Variants in PIWIL2 observed in about 807,000 individuals in gnomAD.
PIWIL2 encodes the protein piwi-like protein 2.
In PIWIL2, 81 loss-of-function variants were observed where a neutral mutation model predicts 116.5. The observed-to-expected ratio is 0.70, with a 90% CI of 0.58 to 0.84. The LOEUF (loss-of-function observed/expected upper bound fraction) is 0.84. Ranked by LOEUF, PIWIL2 falls within the 40% of genes least tolerant of loss-of-function variation. PIWIL2 has a pLI of 0.00. For synonymous variants in PIWIL2, 489 were observed against 429.5 expected, an observed-to-expected ratio of 1.14 and a Z score of -1.71; for missense variants, 1,272 against 1,212.3, an observed-to-expected ratio of 1.05 and a Z score of -0.73.
At chr8:22,300,185 C>T (rs1405996492) in intron 10 of PIWIL2, among the ~76,000 whole-genome samples, 1 of 152,160 alleles carries the variant, frequency 6.6e-6, no homozygotes. Flanking sequence ...CCTACCTAGC[C>T]TCAGCCTCCC....
At position 22,318,593 on chromosome 8, in the gene PIWIL2, C is replaced by T. The variant is rs539360441; in HGVS notation, c.2403+318C>T. ...TGGGCCTCCCAAAGTGTTGGGATTA[C>T]AGCTGTGAGCCACCGCGCCTGGCCA... On this transcript the variant is annotated intron_variant, in intron 20 of 22. Transcript: ENST00000356766. 2.2e-4 allele frequency among the ~76,000 whole-genome samples: 34 copies of T among 152,314 alleles called. No homozygotes were observed. In the South Asian group the frequency reaches 5.0e-3, roughly 22 times the overall value.
At chr8:22,322,741 G>C (rs1199897855) in intron 20 of PIWIL2, among the ~76,000 whole-genome samples, 1 of 151,058 alleles carries the variant, frequency 6.6e-6, no homozygotes, top group African/African-American at 2.4e-5. Context: ...GGATTTCACT[G>C]TGTTGGCCAG....
chr8:22,310,406 A>T (rs1831300058), intron 15 of PIWIL2, among the ~76,000 whole-genome samples: 1 of 152,168 alleles, frequency 6.6e-6, no homozygotes, highest in South Asian at 2.1e-4. Context: ...CCGTGAAAGA[A>T]GTTAGATTAA....
At chr8:22,331,436 C>T (rs1044770928) in intron 20 of PIWIL2, among the ~76,000 whole-genome samples, 3 of 151,502 alleles carry the variant, frequency 2.0e-5, no homozygotes, top group Non-Finnish European at 2.9e-5. Flanking sequence ...GAGCCATGAT[C>T]GCATTACTGC....
chr8:22,286,887 G>C (rs887814418), intron 6 of PIWIL2, among the ~76,000 whole-genome samples: 23 of 151,936 alleles, frequency 1.5e-4, no homozygotes, highest in Non-Finnish European at 7.4e-5. Context: ...CTCCCAAAGT[G>C]CTGGGATTAC....
chr8:22,310,360 T>C (rs1050044316), intron 15 of PIWIL2, among the ~76,000 whole-genome samples: 5 of 152,170 alleles, frequency 3.3e-5, no homozygotes, highest in African/African-American at 4.8e-5. Flanking sequence ...CTTTTCCCCC[T>C]CTTTTTCCCC....
chr8:22,304,046 G>T lies in PIWIL2; in HGVS notation c.1207G>T (p.Glu403Ter). The T allele has an allele frequency of 6.2e-7, 1 of 1,612,566 alleles. No individual in the cohort carries two copies. Among genetic ancestry groups the T allele is most frequent in the Non-Finnish European group, 8.5e-7 (1 of 1,179,310 alleles). The change falls in exon 11 of 23, where the codon GAA becomes TAA. Residue 403 changes from glutamate to a stop codon, truncating the protein, a stop_gained. Coordinates refer to ENST00000356766, the MANE Select transcript of PIWIL2 (RefSeq NM_018068.5). LOFTEE classifies it high-confidence loss of function. ...GCATGCCATTTATCAGCAGAATAAA[G>T]AACACTTCCAGGATGAGTGTACTAA... ...VMHAIYQQNKEHFQDECTKLL... is the reference protein window; with the variant it reads ...VMHAIYQQNK
At chr8:22,335,072 A>AT (rs34666629) in intron 20 of PIWIL2, among the ~76,000 whole-genome samples, 76,832 of 146,136 alleles carry the variant, frequency 0.53, 22,123 homozygotes, top group East Asian at 0.77. Context: ...AAAAAAAAAA[A>AT]GTCAATTTTA....
intron 22 of PIWIL2, among the ~76,000 whole-genome samples, chr8:22,355,031 T>C (rs1409258124): frequency 2.0e-5 from 3 of 150,788 alleles, no homozygotes; most frequent in Non-Finnish European, 2.9e-5. Context: ...GATTGTGCCA[T>C]TGCACTCCAG....
intron 10 of PIWIL2, among the ~76,000 whole-genome samples, chr8:22,290,974 AT>A (rs1830749612): frequency 1.4e-5 from 2 of 147,512 alleles, no homozygotes; most frequent in African/African-American, 2.4e-5. Flanking sequence ...GTGTATATAT[AT>A]TTTTTTTAAT....
intron 10 of PIWIL2, among the ~76,000 whole-genome samples, chr8:22,290,935 A>G (rs1830747131): frequency 6.6e-6 from 1 of 151,618 alleles, no homozygotes; most frequent in Non-Finnish European, 1.5e-5. Flanking sequence ...ATAATATACA[A>G]TGTATGTGTT....
At chr8:22,299,066 A>G (rs1255303681) in intron 10 of PIWIL2, among the ~76,000 whole-genome samples, 3 of 152,052 alleles carry the variant, frequency 2.0e-5, no homozygotes, top group Non-Finnish European at 4.4e-5. Flanking sequence ...GTTTGTGGGA[A>G]TTTTATTTTA....
intron 20 of PIWIL2, among the ~76,000 whole-genome samples, chr8:22,332,757 A>C (rs1586586938): frequency 6.6e-6 from 1 of 152,242 alleles, no homozygotes; most frequent in East Asian, 1.9e-4. Context: ...AACTTTCACT[A>C]GTGAAGGTGA....
At chr8:22,280,689 A>G (rs1830479285) in intron 2 of PIWIL2, among the ~76,000 whole-genome samples, 1 of 152,212 alleles carries the variant, frequency 6.6e-6, no homozygotes, top group Non-Finnish European at 1.5e-5. Flanking sequence ...ATACTCATAA[A>G]TGATCCAGCT....
intron 16 of PIWIL2, among the ~76,000 whole-genome samples, chr8:22,311,551 G>A (rs960153084): frequency 6.6e-6 from 1 of 152,202 alleles, no homozygotes; most frequent in African/African-American, 2.4e-5. Context: ...GAGAATAGCT[G>A]ACTTAACTGT....
At chr8:22,279,744 G>C (rs1830458382) in intron 2 of PIWIL2, among the ~76,000 whole-genome samples, 160 bp downstream of exon 2, 1 of 152,200 alleles carries the variant, frequency 6.6e-6, no homozygotes, top group Admixed American at 6.5e-5. Context: ...TCTGAGGTCG[G>C]GAGTTCAAGA....
intron 8 of PIWIL2, 68 bp downstream of exon 8, chr8:22,288,734 GA>G: frequency 7.3e-7 from 1 of 1,367,414 alleles, no homozygotes; most frequent in Non-Finnish European, 1.0e-6. Context: ...TGTTCTTCAA[GA>G]TACTTGGATG....
At chr8:22,349,045 TTTTTTC>T (rs1438551525) in intron 20 of PIWIL2, among the ~76,000 whole-genome samples, 149 of 110,744 alleles carry the variant, frequency 1.3e-3, no homozygotes, top group Admixed American at 2.3e-3. Flanking sequence ...TCTATTTTTC[TTTTTTC>T]TTTTTTTTTT....
chr8:22,283,215 G>A lies in PIWIL2; in HGVS notation c.607G>A (p.Val203Ile). The A allele has an allele frequency of 1.2e-6, 2 of 1,614,038 alleles. No homozygotes were observed. The highest frequency in any genetic ancestry group is 2.2e-5 in the East Asian group (1 of 44,880). The change falls in exon 5 of 23, where the codon GTC (valine) becomes ATC (isoleucine). Residue 203 changes from valine to isoleucine, a missense_variant. Physicochemically the swap from Val to Ile is conservative, Grantham distance 29 (BLOSUM62 3). Coordinates refer to ENST00000356766, the MANE Select transcript of PIWIL2 (RefSeq NM_018068.5). ...CCTGCACTCTCCAGATCGCCCTCTGGTCCTGACTGTGGAACACAAGGAAAA... is the reference window on the plus strand; with the variant it reads ...CCTGCACTCTCCAGATCGCCCTCTGATCCTGACTGTGGAACACAAGGAAAA... The part of the protein sequence containing the change: ...SPLHSPDRPL[V>I]LTVEHKEKEL...
Sources: allele counts gnomAD v4.1 joint callset (sites outside exome capture counted in the v4.1 genomes callset), GRCh38; gene constraint gnomAD v4.1.1; transcripts MANE v1.5; gene names NCBI Gene and HGNC (gene_info 2026-07-23, HGNC 2026-07-21).